The following NRG3 variants were observed in gnomAD, a reference collection of about 807,000 sequenced individuals.
NRG3 encodes the protein pro-neuregulin-3, membrane-bound isoform.
Under a neutral mutation model 66.9 loss-of-function variants are expected in NRG3, and 31 were observed. The observed-to-expected ratio is 0.46, with a 90% confidence interval of 0.35 to 0.63. NRG3 has a LOEUF of 0.63. NRG3 is among the 20% of genes least tolerant of loss of function. The probability of loss-of-function intolerance (pLI) is 0.00; values close to 1 mark genes in which losing one functional copy is unlikely to be tolerated. For missense variants in NRG3, 910 were observed against 878.9 expected, an observed-to-expected ratio of 1.04 and a Z score of -0.45; for synonymous variants, 393 against 359.4, an observed-to-expected ratio of 1.09 and a Z score of -1.06.
At chr10:82,464,838 C>G (rs1840529496) in intron 2 of NRG3, among the ~76,000 whole-genome samples, 1 of 152,186 alleles carries the variant, frequency 6.6e-6, no homozygotes, top group South Asian at 2.1e-4. Context: ...GTATATGGCT[C>G]TCTCAACAGC....
At chr10:82,824,868 G>A (rs144599246) in intron 3 of NRG3, among the ~76,000 whole-genome samples, 60 of 151,876 alleles carry the variant, frequency 4.0e-4, no homozygotes, top group Admixed American at 1.4e-3. Flanking sequence ...AGGTGTGCAC[G>A]ACCATGCCCA....
chr10:82,032,502 T>G (rs997924379), intron 1 of NRG3, among the ~76,000 whole-genome samples: 1 of 152,020 alleles, frequency 6.6e-6, no homozygotes, highest in Admixed American at 6.6e-5. Context: ...TCATTCTTCC[T>G]AAGAGTAGAA....
intron 1 of NRG3, among the ~76,000 whole-genome samples, chr10:82,264,449 T>C (rs1474064316): frequency 6.6e-6 from 1 of 150,570 alleles, no homozygotes; most frequent in Non-Finnish European, 1.5e-5. Flanking sequence ...CACCCGGTCC[T>C]GCCCTTGACA....
intron 2 of NRG3, among the ~76,000 whole-genome samples, chr10:82,534,028 G>A (rs1275666443): frequency 6.6e-6 from 1 of 152,032 alleles, no homozygotes; most frequent in Non-Finnish European, 1.5e-5. Context: ...ATTTACAATA[G>A]CACAAAAATA....
chr10:82,051,938 G>T (rs892648403), intron 1 of NRG3, among the ~76,000 whole-genome samples: 2 of 151,922 alleles, frequency 1.3e-5, no homozygotes, highest in Non-Finnish European at 2.9e-5. Flanking sequence ...ATTGTGAGTT[G>T]GCTTAGCAAT....
chr10:82,879,866 G>A (rs1842154450), intron 4 of NRG3, among the ~76,000 whole-genome samples: 1 of 151,336 alleles, frequency 6.6e-6, no homozygotes. Context: ...AACAGGATTG[G>A]AACACAGCTT....
chr10:82,950,984 T>G (rs1213369023), intron 4 of NRG3, among the ~76,000 whole-genome samples: 1 of 150,666 alleles, frequency 6.6e-6, no homozygotes, highest in Non-Finnish European at 1.5e-5. Context: ...TCATGAGTGA[T>G]GTCAATCATA....
At chr10:81,959,904 A>T (rs1423867732) in intron 1 of NRG3, among the ~76,000 whole-genome samples, 1 of 152,136 alleles carries the variant, frequency 6.6e-6, no homozygotes, top group Non-Finnish European at 1.5e-5. Flanking sequence ...TTTTCCCTAA[A>T]TCAGTAACTC....
chr10:82,155,548 TA>T (rs1228506615), intron 1 of NRG3, among the ~76,000 whole-genome samples: 2 of 151,706 alleles, frequency 1.3e-5, no homozygotes, highest in African/African-American at 4.8e-5. Flanking sequence ...GTAAAAATGC[TA>T]ATTACAAACA....
intron 2 of NRG3, among the ~76,000 whole-genome samples, chr10:82,385,581 C>T (rs977344553): frequency 2.0e-4 from 30 of 151,794 alleles, no homozygotes; most frequent in Admixed American, 2.0e-4. Context: ...TTAGATTAAG[C>T]GTAATTAAAA....
intron 2 of NRG3, among the ~76,000 whole-genome samples, chr10:82,646,640 C>T (rs2050954700): frequency 6.6e-6 from 1 of 152,124 alleles, no homozygotes; most frequent in South Asian, 2.1e-4. Context: ...ATAACTATTA[C>T]AATAGGGAAG....
At chr10:82,772,302 T>TTTCATTCATTCA (rs35732700) in intron 3 of NRG3, among the ~76,000 whole-genome samples, 4 of 150,512 alleles carry the variant, frequency 2.7e-5, no homozygotes, top group Non-Finnish European at 4.4e-5. Context: ...TATAGTTACT[T>TTTCATTCATTCA]TTCATTCATT....
chr10:82,444,474 G>A (rs1231520335), intron 2 of NRG3, among the ~76,000 whole-genome samples: 1 of 152,088 alleles, frequency 6.6e-6, no homozygotes, highest in Non-Finnish European at 1.5e-5. Context: ...TCTATACACA[G>A]AATGAGACAA....
At chr10:82,935,876 CA>C (rs200656889) in intron 4 of NRG3, among the ~76,000 whole-genome samples, 14,292 of 133,086 alleles carry the variant, frequency 0.11, 907 homozygotes, top group African/African-American at 0.19. Context: ...TAATACTGAG[CA>C]AAAAAAAAAA....
At chr10:82,838,976 A>G (rs983240015) in intron 3 of NRG3, among the ~76,000 whole-genome samples, 3 of 152,122 alleles carry the variant, frequency 2.0e-5, no homozygotes, top group Non-Finnish European at 2.9e-5. Context: ...TCCTCTTATA[A>G]AACCATCAGA....
At chr10:82,003,370 A>C (rs944655803) in intron 1 of NRG3, among the ~76,000 whole-genome samples, 5 of 152,210 alleles carry the variant, frequency 3.3e-5, no homozygotes, top group Non-Finnish European at 5.9e-5. Flanking sequence ...TTTTTATAGA[A>C]TATAAATTGT....
At chr10:82,452,026 A>G (rs892881222) in intron 2 of NRG3, among the ~76,000 whole-genome samples, 1 of 152,226 alleles carries the variant, frequency 6.6e-6, no homozygotes, top group Non-Finnish European at 1.5e-5. Flanking sequence ...GGAATCCAGC[A>G]TGGCCTCTTC....
chr10:82,708,545 C>G (rs1223940165), intron 2 of NRG3, among the ~76,000 whole-genome samples: 1 of 152,138 alleles, frequency 6.6e-6, no homozygotes, highest in Admixed American at 6.5e-5. Context: ...CTCCCGGTAC[C>G]ACCTTTCGAT....
At chr10:82,832,684 T>G (rs1308369606) in intron 3 of NRG3, among the ~76,000 whole-genome samples, 1 of 152,134 alleles carries the variant, frequency 6.6e-6, no homozygotes. Flanking sequence ...TGCAATCATA[T>G]GATGGAATAT....
Sources: gnomAD v4.1 joint callset for allele counts (sites outside exome capture counted in the v4.1 genomes callset) on GRCh38, gnomAD v4.1.1 for gene constraint, MANE v1.5 for transcripts, NCBI Gene and HGNC (gene_info 2026-07-23, HGNC 2026-07-21) for gene names.